The following ERC2 variants were observed in gnomAD, a reference collection of about 807,000 sequenced individuals.
ERC2 encodes the protein ERC protein 2.
ERC2 carries 42 observed loss-of-function variants against 114.8 expected under a neutral mutation model. The observed-to-expected ratio is 0.37, with a 90% CI of 0.29 to 0.47. The LOEUF (loss-of-function observed/expected upper bound fraction) is 0.47. Among genes scored for constraint, ERC2 ranks in the 20% least tolerant of loss-of-function variants. ERC2 has a pLI of 0.99. For synonymous variants in ERC2, 454 were observed against 425.5 expected (o/e 1.07, Z -0.82); for missense variants, 939 against 1,150.7 (o/e 0.82, Z 2.66).
chr3:55,811,284 C>T (rs554844328), intron 14 of ERC2, among the ~76,000 whole-genome samples: 1 of 152,246 alleles, frequency 6.6e-6, no homozygotes, highest in East Asian at 1.9e-4. Context: ...CTTAATTAAT[C>T]CCAAACGCAA....
chr3:56,144,666 T>C (rs2081047898), intron 5 of ERC2, among the ~76,000 whole-genome samples: 1 of 152,208 alleles, frequency 6.6e-6, no homozygotes, highest in Non-Finnish European at 1.5e-5. Context: ...AGGGTCTACA[T>C]ACACCTCCTT....
At chr3:55,679,007 T>C (rs1236865067) in intron 17 of ERC2, among the ~76,000 whole-genome samples, 1 of 152,202 alleles carries the variant, frequency 6.6e-6, no homozygotes, top group Non-Finnish European at 1.5e-5. Context: ...CTGCTCTTCC[T>C]GCCACGACAA....
intron 17 of ERC2, among the ~76,000 whole-genome samples, chr3:55,515,230 A>G (rs2052405165): frequency 6.6e-6 from 1 of 152,246 alleles, no homozygotes; most frequent in African/African-American, 2.4e-5. Context: ...AAAGCAGATT[A>G]CCATTTTATA....
At chr3:56,362,933 A>G (rs945749231) in intron 2 of ERC2, among the ~76,000 whole-genome samples, 2 of 152,204 alleles carry the variant, frequency 1.3e-5, no homozygotes, top group Non-Finnish European at 2.9e-5. Context: ...CCATCAATTG[A>G]GGATATTGGC....
chr3:56,266,921 C>T (rs772298139), intron 3 of ERC2, among the ~76,000 whole-genome samples: 7 of 152,212 alleles, frequency 4.6e-5, no homozygotes, highest in Admixed American at 1.3e-4. Context: ...TATCTGCACT[C>T]CCACATTCAC....
chr3:56,273,052 T>G (rs1407893927), intron 3 of ERC2, among the ~76,000 whole-genome samples: 1 of 152,146 alleles, frequency 6.6e-6, no homozygotes, highest in Non-Finnish European at 1.5e-5. Context: ...ATGAGATTCT[T>G]CCATATATCC....
intron 12 of ERC2, among the ~76,000 whole-genome samples, chr3:55,974,667 G>A (rs910938686): frequency 2.6e-5 from 4 of 152,130 alleles, no homozygotes; most frequent in Non-Finnish European, 5.9e-5. Context: ...TGCCGTCCAC[G>A]ATCCTTGAAG....
chr3:55,582,835 T>A (rs1424686998), intron 17 of ERC2, among the ~76,000 whole-genome samples: 2 of 152,202 alleles, frequency 1.3e-5, no homozygotes, highest in African/African-American at 4.8e-5. Context: ...AGCCTCAGTA[T>A]CTCAGCACAT....
chr3:56,299,993 C>T (rs1203629132), intron 2 of ERC2, among the ~76,000 whole-genome samples: 1 of 152,182 alleles, frequency 6.6e-6, no homozygotes, highest in Non-Finnish European at 1.5e-5. Context: ...GGAGCTGCCC[C>T]TTTGAATGGA....
At chr3:56,290,715 T>G (rs2150345439) in intron 3 of ERC2, among the ~76,000 whole-genome samples, 1 of 152,352 alleles carries the variant, frequency 6.6e-6, no homozygotes, top group East Asian at 1.9e-4. Flanking sequence ...AGTAAAGGTC[T>G]GAAAGCTTAA....
intron 17 of ERC2, among the ~76,000 whole-genome samples, chr3:55,515,995 T>C (rs1360634005): frequency 6.6e-6 from 1 of 152,184 alleles, no homozygotes; most frequent in Non-Finnish European, 1.5e-5. Flanking sequence ...TTAATGTCCA[T>C]TATGTTCCAT....
chr3:55,797,589 G>A (rs1281263593), intron 14 of ERC2, among the ~76,000 whole-genome samples: 3 of 152,168 alleles, frequency 2.0e-5, no homozygotes, highest in Non-Finnish European at 4.4e-5. Flanking sequence ...TCACCAGTGA[G>A]GGAAAGATAG....
chr3:55,714,663 GTGTGTATATATATATATATATATATA>G lies in ERC2; in HGVS notation c.2713-15177_2713-15152del, dbSNP rs1258797213. ...TATGTGTGTGTGTGTGTGTGTGTGT[GTGTGTATATATATATATATATATATA>G]TATATATATATATATATATATATAT... On this transcript the variant is annotated intron_variant, in intron 15 of 17. Coordinates refer to ENST00000288221, the MANE Select transcript of ERC2 (RefSeq NM_015576.3). 7.5e-4 allele frequency among the ~76,000 whole-genome samples: 69 copies of G among 92,216 alleles called. 1 individual carries two copies. Among genetic ancestry groups the G allele is most frequent in the East Asian group, 2.5e-3 (8 of 3,196 alleles). 60.5% of individuals were successfully genotyped at this position (92,216 alleles called of 152,430 possible). A position where few individuals can be genotyped will look rare whatever the true frequency, so the allele number is the denominator to read the frequency against.
intron 14 of ERC2, among the ~76,000 whole-genome samples, chr3:55,829,908 T>C (rs544066433): frequency 4.6e-5 from 7 of 152,136 alleles, no homozygotes; most frequent in African/African-American, 1.7e-4. Context: ...GAAAAAATAA[T>C]AACTGAAACT....
At chr3:56,280,667 G>T (rs1235640588) in intron 3 of ERC2, among the ~76,000 whole-genome samples, 2 of 152,174 alleles carry the variant, frequency 1.3e-5, no homozygotes, top group Non-Finnish European at 2.9e-5. Context: ...TCACCACTTG[G>T]TATATACTTA....
At chr3:55,556,822 G>C (rs1156854593) in intron 17 of ERC2, among the ~76,000 whole-genome samples, 1 of 152,218 alleles carries the variant, frequency 6.6e-6, no homozygotes, top group African/African-American at 2.4e-5. Context: ...ATTTGCTTAA[G>C]TGATTTTGAG....
chr3:56,383,487 T>A (rs896556472), intron 2 of ERC2, among the ~76,000 whole-genome samples: 4 of 152,194 alleles, frequency 2.6e-5, no homozygotes, highest in Admixed American at 2.6e-4. Context: ...GATGAGAGAA[T>A]TTTTGTTTGT....
chr3:55,751,296 C>G (rs1050312657), intron 14 of ERC2, among the ~76,000 whole-genome samples: 2 of 152,130 alleles, frequency 1.3e-5, no homozygotes, highest in Non-Finnish European at 2.9e-5. Context: ...GGAGAATAAT[C>G]TCTTTATTTC....
chr3:56,244,846 C>A (rs2051574043), intron 3 of ERC2, among the ~76,000 whole-genome samples: 1 of 152,178 alleles, frequency 6.6e-6, no homozygotes, highest in South Asian at 2.1e-4. Flanking sequence ...AACTTCCAGT[C>A]CTGTAAACTC....
Sources: gnomAD v4.1 joint callset for allele counts (sites outside exome capture counted in the v4.1 genomes callset) on GRCh38, gnomAD v4.1.1 for gene constraint, MANE v1.5 for transcripts, NCBI Gene and HGNC (gene_info 2026-07-23, HGNC 2026-07-21) for gene names.